UBXN2A: variants seen among roughly 807,000 people sequenced by gnomAD.
The protein encoded by UBXN2A is UBX domain-containing protein 2A.
In UBXN2A, 28 loss-of-function variants were observed where a neutral mutation model predicts 28.4. That is an observed-to-expected ratio of 0.99 (90% confidence interval 0.73 to 1.35). The LOEUF is 1.35. Ranked by LOEUF, UBXN2A falls within the 40% of genes most tolerant of loss-of-function variation. The pLI, the probability that UBXN2A is intolerant of heterozygous loss-of-function variation, is 0.00. For missense variants in UBXN2A, 253 were observed against 297.9 expected (o/e 0.85, Z 1.11); for synonymous variants, 97 against 103.6 (o/e 0.94, Z 0.39).
rs879023743 is a variant in UBXN2A, at chr2:23,983,146, G to A, written c.425+113G>A. 50 of 1,221,280 alleles carry A rather than the reference G, an allele frequency of 4.1e-5. 1 individual carries two copies. In the South Asian group the frequency reaches 1.3e-3, roughly 31 times the overall value. The allele number at this position is 1,221,280 out of a possible 1,614,324, so 75.7% of individuals were successfully genotyped here. A position where few individuals can be genotyped will look rare whatever the true frequency, so the allele number is the denominator to read the frequency against. Reference sequence around the variant, plus strand: ...ATGGAGCTTATCATTTCTCCCATTGGAAATCAGATTTTTTTTAATGTTAAT... The same window carrying A: ...ATGGAGCTTATCATTTCTCCCATTGAAAATCAGATTTTTTTTAATGTTAAT... On this transcript the variant is annotated intron_variant, in intron 5 of 6. Coordinates refer to ENST00000309033, the MANE Select transcript of UBXN2A (RefSeq NM_181713.4).
At chr2:23,947,778 A>G (rs138635409) in intron 1 of UBXN2A, among the ~76,000 whole-genome samples, 62 of 152,286 alleles carry the variant, frequency 4.1e-4, no homozygotes, top group African/African-American at 1.5e-3. Context: ...TGATACTGAC[A>G]CTTTTGTCAT....
At chr2:23,933,759 CTG>C (rs1705444699) in intron 1 of UBXN2A, among the ~76,000 whole-genome samples, 1 of 151,890 alleles carries the variant, frequency 6.6e-6, no homozygotes, top group African/African-American at 2.4e-5. Context: ...AAAAACAAAA[CTG>C]TACCTCCAAT....
intron 1 of UBXN2A, among the ~76,000 whole-genome samples, chr2:23,928,801 G>C (rs760895451): frequency 6.6e-6 from 1 of 152,122 alleles, no homozygotes; most frequent in Non-Finnish European, 1.5e-5. Flanking sequence ...TTGGGAACCA[G>C]TATGGATTCC....
chr2:23,968,414 C>T (rs1469897354), intron 2 of UBXN2A, among the ~76,000 whole-genome samples: 1 of 152,058 alleles, frequency 6.6e-6, no homozygotes. Flanking sequence ...TGGTGGCTCA[C>T]GCCTGTAATC....
At chr2:23,993,822 G>A (rs930903141) in intron 6 of UBXN2A, among the ~76,000 whole-genome samples, 1 of 151,480 alleles carries the variant, frequency 6.6e-6, no homozygotes, top group Non-Finnish European at 1.5e-5. Flanking sequence ...CAAGTAGCTG[G>A]CATTACAGGC....
At chr2:23,953,610 A>T (rs543404429) in intron 1 of UBXN2A, among the ~76,000 whole-genome samples, 41 of 152,320 alleles carry the variant, frequency 2.7e-4, no homozygotes, top group African/African-American at 9.1e-4. Context: ...TTTAAATCAA[A>T]ATCGAAATAT....
intron 4 of UBXN2A, 144 bp from the exon 5 acceptor site, chr2:23,982,752 T>G (rs1027814449): frequency 7.0e-6 from 6 of 858,318 alleles, no homozygotes; most frequent in Non-Finnish European, 9.4e-6. Flanking sequence ...CTACATTGTT[T>G]TGAATACATT....
chr2:23,969,537 A>AT (rs879270470), intron 2 of UBXN2A, among the ~76,000 whole-genome samples: 90 of 152,090 alleles, frequency 5.9e-4, no homozygotes, highest in Admixed American at 1.2e-3. Context: ...TAATTTTTGT[A>AT]TTTTTTGTAG....
chr2:23,942,785 A>G (rs1287470748), intron 1 of UBXN2A, among the ~76,000 whole-genome samples: 2 of 151,720 alleles, frequency 1.3e-5, no homozygotes, highest in Non-Finnish European at 2.9e-5. Flanking sequence ...TTTCTTTTTT[A>G]AACTTTTATA....
intron 6 of UBXN2A, among the ~76,000 whole-genome samples, chr2:23,994,231 C>A (rs1045953683): frequency 6.6e-6 from 1 of 151,960 alleles, no homozygotes; most frequent in African/African-American, 2.4e-5. Context: ...TAAAATTTTT[C>A]TCTTTGTTCT....
intron 1 of UBXN2A, among the ~76,000 whole-genome samples, chr2:23,953,480 A>G (rs1028671959): frequency 2.0e-5 from 3 of 152,188 alleles, no homozygotes; most frequent in East Asian, 1.9e-4. Flanking sequence ...TAAAAAACTT[A>G]TAGCTACAGT....
chr2:23,929,659 G>C (rs1705312329), intron 1 of UBXN2A, among the ~76,000 whole-genome samples: 1 of 151,862 alleles, frequency 6.6e-6, no homozygotes, highest in Non-Finnish European at 1.5e-5. Flanking sequence ...GTTGCAGTGA[G>C]CTGAGATTGC....
intron 2 of UBXN2A, among the ~76,000 whole-genome samples, chr2:23,962,418 AT>A (rs1229816107): frequency 6.6e-6 from 1 of 152,160 alleles, no homozygotes; most frequent in Admixed American, 6.6e-5. Context: ...TGGGAAAAAA[AT>A]ATTTGGAAAC....
chr2:23,938,677 A>G (rs537465952), upstream of UBXN2A, among the ~76,000 whole-genome samples: 4 of 151,792 alleles, frequency 2.6e-5, no homozygotes, highest in South Asian at 4.2e-4. Flanking sequence ...TGATTTCTAT[A>G]CAGCTACTAT....
intron 5 of UBXN2A, 44 bp from the exon 6 acceptor site, chr2:23,984,629 T>C: frequency 7.2e-7 from 1 of 1,397,376 alleles, no homozygotes; most frequent in Non-Finnish European, 9.3e-7. Context: ...TAAAGTTTTA[T>C]TGAATGGAAA....
intron 2 of UBXN2A, among the ~76,000 whole-genome samples, chr2:23,966,994 G>A (rs575648112): frequency 4.2e-4 from 64 of 151,898 alleles, no homozygotes; most frequent in South Asian, 1.5e-3. Context: ...CTGGGCTCAA[G>A]CAGTTCTCCT....
At chr2:23,985,144 C>T (rs114099987) in intron 6 of UBXN2A, among the ~76,000 whole-genome samples, 3,405 of 152,152 alleles carry the variant, frequency 0.022, 137 homozygotes, top group African/African-American at 0.078. Flanking sequence ...CACTGTGTTG[C>T]CCACACTGGT....
At chr2:23,937,117 C>T (rs955586075), upstream of UBXN2A, among the ~76,000 whole-genome samples, 5 of 152,170 alleles carry the variant, frequency 3.3e-5, no homozygotes, top group African/African-American at 1.2e-4. Flanking sequence ...GCCTCAGCCT[C>T]CGAAAGTGCT....
intron 1 of UBXN2A, among the ~76,000 whole-genome samples, chr2:23,942,315 G>A (rs375707281): frequency 1.3e-5 from 2 of 151,940 alleles, no homozygotes; most frequent in South Asian, 2.1e-4. Flanking sequence ...TAGATGGCGC[G>A]GAGGCTAGGG....
Sources: gnomAD v4.1 joint callset for allele counts (sites outside exome capture counted in the v4.1 genomes callset) on GRCh38, gnomAD v4.1.1 for gene constraint, MANE v1.5 for transcripts, NCBI Gene and HGNC (gene_info 2026-07-23, HGNC 2026-07-21) for gene names.